ARHGAP23: variants seen among roughly 807,000 people sequenced by gnomAD.
ARHGAP23 encodes rho GTPase-activating protein 23.
In ARHGAP23, 34 loss-of-function variants were observed where a neutral mutation model predicts 136.3. That is an observed-to-expected ratio of 0.25 (90% confidence interval 0.19 to 0.33). The LOEUF is 0.33. ARHGAP23 is among the 10% of genes least tolerant of loss of function. ARHGAP23 has a pLI of 1.00. For missense variants in ARHGAP23, 1,808 were observed against 2,139.0 expected (o/e 0.85, Z 3.05); for synonymous variants, 832 against 920.5 (o/e 0.90, Z 1.74).
intron 1 of ARHGAP23, among the ~76,000 whole-genome samples, chr17:38,428,877 T>C (rs1336077938): frequency 6.6e-6 from 1 of 152,018 alleles, no homozygotes; most frequent in African/African-American, 2.4e-5. Flanking sequence ...CCCGCGGCTT[T>C]TGTTCGGGTT....
chr17:38,479,785 C>T lies in ARHGAP23; in HGVS notation c.2531C>T (p.Pro844Leu). 3 of 1,507,280 alleles carry T rather than the reference C, an allele frequency of 2.0e-6. No individual in the cohort carries two copies. Among genetic ancestry groups the T allele is most frequent in the East Asian group, 2.5e-5 (1 of 40,400 alleles). 93.4% of individuals were successfully genotyped at this position (1,507,280 alleles called of 1,614,324 possible). A position where few individuals can be genotyped will look rare whatever the true frequency, so the allele number is the denominator to read the frequency against. ...TCTGGGCCCAAAGCTGATTCCTCCCCCAAAGGCTCTCGCGGCCTGGGGGGC... is the reference window on the plus strand; with the variant it reads ...TCTGGGCCCAAAGCTGATTCCTCCCTCAAAGGCTCTCGCGGCCTGGGGGGC... ...HSSGPKADSS[P>L]KGSRGLGGLK... The change falls in exon 14 of 24, where the codon CCC becomes CTC. Residue 844 changes from proline (P) to leucine (L), a missense_variant. Physicochemically the swap from Pro to Leu is moderately conservative, Grantham distance 98 (BLOSUM62 -3). Transcript: ENST00000622683.
intron 20 of ARHGAP23, among the ~76,000 whole-genome samples, chr17:38,491,915 C>T (rs1178265580): frequency 1.3e-5 from 2 of 152,152 alleles, no homozygotes; most frequent in Admixed American, 1.3e-4. Context: ...AGACGGGGGC[C>T]AAGGTCTGGC....
rs764868130 is a variant in ARHGAP23 at position 38,469,544 on chromosome 17, C to T, written c.1825C>T (p.Arg609Cys). 41 of 1,548,334 alleles carry T rather than the reference C, an allele frequency of 2.6e-5. No individual in the cohort carries two copies. The African/African-American group carries it at 3.4e-4, about 13-fold the overall frequency. ...QDCSSIKAGRRSSYLLAITTE... is the reference protein window; with the variant it reads ...QDCSSIKAGRCSSYLLAITTE... ...TGCAGGCAGCATCAAGGCTGGCCGC[C>T]GCTCCTCCTACCTGCTGGCCATCAC... Residue 609 changes from arginine (R) to cysteine (C), a missense_variant, in exon 9 of 24, where the codon CGC becomes TGC. This residue lies in a region of ARHGAP23 where 859 missense variants were observed against 936.4 expected (regional missense o/e 0.92). Transcript: ENST00000622683.
chr17:38,477,816 T>C lies in ARHGAP23; in HGVS notation c.2356T>C (p.Tyr786His), dbSNP rs1024650871. 7 of 1,549,998 alleles carry C rather than the reference T, an allele frequency of 4.5e-6. No individual in the cohort carries two copies. In the African/African-American group the frequency reaches 9.6e-5, roughly 21 times the overall value. Residue 786 changes from tyrosine to histidine, a missense_variant, in exon 12 of 24, where the codon TAT becomes CAT. Tyr to His is a moderately conservative substitution (Grantham distance 83). Transcript: ENST00000622683. This position sits in a 1 kb window ranked among gnomAD's most constrained non-coding sequence, Gnocchi z 6.6. ...FRLTTADFCE[Y>H]LFQAEDRDDM... is the part of the protein sequence containing the mutation. ...GCTGACCACCGCTGACTTCTGTGAA[T>C]ATCTCTTTCAGGCTGAGGACCGGGA...
chr17:38,462,656 G>A (rs1005601713), intron 3 of ARHGAP23, among the ~76,000 whole-genome samples, 190 bp from the exon 4 acceptor site: 1 of 152,196 alleles, frequency 6.6e-6, no homozygotes, highest in African/African-American at 2.4e-5. Flanking sequence ...TTTCTCCCAG[G>A]TCTGTGTCCT....
At position 38,466,465 on chromosome 17, in the gene ARHGAP23, C is replaced by G; in HGVS notation, c.782C>G (p.Ser261Cys). ...AGCCCTGGTGCCTTCCCCCACCTCT[C>G]CTCGGAGCCCCGGACGCCCCGTGCC... The part of the protein sequence containing the change: ...RPSPGAFPHL[S>C]SEPRTPRAFP... The change falls in exon 7 of 24, where the codon TCC becomes TGC. Residue 261 changes from serine (S) to cysteine (C), a missense_variant. By Grantham distance (112) the Ser-to-Cys change is moderately radical. Coordinates refer to ENST00000622683, the MANE Select transcript of ARHGAP23 (RefSeq NM_001199417.2). 1 of 1,521,050 alleles carries G rather than the reference C, an allele frequency of 6.6e-7. No individual in the cohort carries two copies. The highest frequency in any genetic ancestry group is 1.2e-5 in the South Asian group (1 of 81,778). 94.2% of individuals were successfully genotyped at this position (1,521,050 alleles called of 1,614,324 possible).
intron 11 of ARHGAP23, among the ~76,000 whole-genome samples, chr17:38,474,764 G>C (rs971847205): frequency 1.3e-5 from 2 of 152,100 alleles, no homozygotes; most frequent in African/African-American, 2.4e-5. Flanking sequence ...AAGTGGGGGG[G>C]CCGGGGAGGC....
intron 1 of ARHGAP23, among the ~76,000 whole-genome samples, chr17:38,420,107 C>G (rs979925807): frequency 2.6e-5 from 4 of 152,142 alleles, no homozygotes; most frequent in Non-Finnish European, 5.9e-5. Context: ...GGGCTGGGCT[C>G]AGTGGGCGGG....
rs1460700948 is a variant in ARHGAP23 at position 38,477,485 on chromosome 17, T to TC, written c.2119-90dup. On this transcript the variant is annotated intron_variant, in intron 11 of 23. Coordinates refer to ENST00000622683, the MANE Select transcript of ARHGAP23 (RefSeq NM_001199417.2). The surrounding 1 kb of genome is among the most constrained non-coding windows in gnomAD (Gnocchi z 6.6). The stretch of plus-strand genomic sequence containing the variant: ...CTCCTGGTAGGCAGCGTGGGGTCCA[T>TC]CCCCTGGCTGTCCTCTGTCTGCTAC... 9.1e-7 allele frequency: 1 copy of TC among 1,101,536 alleles called. No individual in the cohort carries two copies. Among genetic ancestry groups the TC allele is most frequent in the African/African-American group, 1.7e-5 (1 of 59,088 alleles). 68.2% of individuals were successfully genotyped at this position (1,101,536 alleles called of 1,614,324 possible).
chr17:38,448,522 CT>C (rs1165078242), intron 1 of ARHGAP23, among the ~76,000 whole-genome samples: 3 of 152,054 alleles, frequency 2.0e-5, no homozygotes, highest in Admixed American at 6.6e-5. Context: ...GGTTAAGTAA[CT>C]CACCCAAAGT....
At chr17:38,478,775 A>G (rs1055266038) in intron 12 of ARHGAP23, among the ~76,000 whole-genome samples, 1 of 152,062 alleles carries the variant, frequency 6.6e-6, no homozygotes, top group African/African-American at 2.4e-5. Flanking sequence ...CTAGGTAGGG[A>G]TTCCTCCCTG....
At chr17:38,489,622 T>G (rs2040228706) in intron 17 of ARHGAP23, 1 of 155,086 alleles carries the variant, frequency 6.4e-6, no homozygotes, top group African/African-American at 2.4e-5. Context: ...TGGCTGTCTT[T>G]GTGCGTTAGC....
chr17:38,471,860 C>T lies in ARHGAP23; in HGVS notation c.1975-3C>T, dbSNP rs776379521. The T allele has an allele frequency of 8.5e-6, 13 of 1,535,086 alleles. No homozygotes were observed. The highest frequency in any genetic ancestry group is 2.3e-4 in the Middle Eastern group (1 of 4,324). ...TAAATTGTCCTCTGTTGTCTCCCTGCAGTCCTTGGATAGCTGGGGCACCTC... is the reference window on the plus strand; with the variant it reads ...TAAATTGTCCTCTGTTGTCTCCCTGTAGTCCTTGGATAGCTGGGGCACCTC... On this transcript the variant is annotated splice_region_variant and splice_polypyrimidine_tract_variant and intron_variant, in intron 10 of 23. Transcript: ENST00000622683.
At chr17:38,474,546 G>A (rs2039844180) in intron 11 of ARHGAP23, among the ~76,000 whole-genome samples, 1 of 152,124 alleles carries the variant, frequency 6.6e-6, no homozygotes. Context: ...GGGAGAGGAA[G>A]CCAAGTGGCT....
chr17:38,456,286 C>T (rs1423504377), intron 1 of ARHGAP23, among the ~76,000 whole-genome samples: 1 of 152,206 alleles, frequency 6.6e-6, no homozygotes, highest in African/African-American at 2.4e-5. Flanking sequence ...TAGCAGAGGG[C>T]AGCTGTCTCC....
At chr17:38,423,665 G>A (rs917231701), upstream of ARHGAP23, among the ~76,000 whole-genome samples, 6 of 152,072 alleles carry the variant, frequency 3.9e-5, no homozygotes, top group Admixed American at 1.3e-4. Context: ...GAGCCACCGC[G>A]CCTGGCCAAT....
Position 38,497,766 on chromosome 17 carries a change from C to G in ARHGAP23, c.3277-19C>G, listed in dbSNP as rs2040424806. On this transcript the variant is annotated intron_variant, in intron 20 of 23. Transcript: ENST00000622683. Reference sequence around the variant, plus strand: ...CTTTCCCATGCTGATTTCATCCCTTCCTTTTGTCTTCTCTGCAGTCAGACT... The same window carrying G: ...CTTTCCCATGCTGATTTCATCCCTTGCTTTTGTCTTCTCTGCAGTCAGACT... 6.5e-7 allele frequency: 1 copy of G among 1,550,294 alleles called. No homozygotes were observed. The highest frequency in any genetic ancestry group is 2.0e-5 in the Admixed American group (1 of 50,982).
chr17:38,446,941 G>A (rs1205849533), intron 1 of ARHGAP23, among the ~76,000 whole-genome samples: 1 of 152,048 alleles, frequency 6.6e-6, no homozygotes, highest in Non-Finnish European at 1.5e-5. Context: ...AGCCTCCCAA[G>A]TAGCTGGGAC....
chr17:38,508,791 G>A (rs748586010), intron 23 of ARHGAP23, among the ~76,000 whole-genome samples: 16 of 152,108 alleles, frequency 1.1e-4, no homozygotes, highest in Non-Finnish European at 1.6e-4. Flanking sequence ...AGGCAGTTTG[G>A]GGCAGGGGTA....
Sources: gnomAD v4.1 joint callset for allele counts (sites outside exome capture counted in the v4.1 genomes callset) on GRCh38, gnomAD v4.1.1 for gene constraint, gnomAD v4.1.1 regional missense constraint, Gnocchi (gnomAD v3.1) non-coding constraint, MANE v1.5 for transcripts, NCBI Gene and HGNC (gene_info 2026-07-23, HGNC 2026-07-21) for gene names.